FMNL2: variants seen among roughly 807,000 people sequenced by gnomAD.
FMNL2 encodes formin like 2, also known as formin-like protein 2.
Under a neutral mutation model 130.2 loss-of-function variants are expected in FMNL2, and 51 were observed. The observed-to-expected ratio is 0.39, with a 90% confidence interval of 0.31 to 0.49. FMNL2 has a LOEUF of 0.49. FMNL2 is among the 20% of genes least tolerant of loss of function. FMNL2 has a pLI of 0.85. For missense variants in FMNL2, 977 were observed against 1,316.2 expected (o/e 0.74, Z 3.99); for synonymous variants, 465 against 467.1 (o/e 1.00, Z 0.06).
intron 1 of FMNL2, among the ~76,000 whole-genome samples, chr2:152,491,904 T>C (rs1049212634): frequency 1.3e-5 from 2 of 152,160 alleles, no homozygotes. Flanking sequence ...TAAGCTGAGA[T>C]TGTGCTACTG....
At chr2:152,410,305 C>G (rs1267251726) in intron 1 of FMNL2, among the ~76,000 whole-genome samples, 1 of 152,206 alleles carries the variant, frequency 6.6e-6, no homozygotes, top group Non-Finnish European at 1.5e-5. Context: ...ATCACACCAT[C>G]ACATTGTCTT....
rs79016242 is a variant in FMNL2 at position 152,628,584 on chromosome 2, G to A, written c.2400+51G>A. 2.8e-3 allele frequency: 4,232 copies of A among 1,508,864 alleles called. 114 individuals are homozygous for A. In the African/African-American group the frequency reaches 0.051, roughly 18 times the overall value. The allele number at this position is 1,508,864 out of a possible 1,614,324, so 93.5% of individuals were successfully genotyped here. A position where few individuals can be genotyped will look rare whatever the true frequency, so the allele number is the denominator to read the frequency against. ...AGGGGGTCCAAAGAAATGTGGAATC[G>A]TTATTTTTTAAAGTCTCTCCCAGAA... On this transcript the variant is annotated intron_variant, in intron 18 of 25. Coordinates refer to ENST00000288670, the MANE Select transcript of FMNL2 (RefSeq NM_052905.4).
intron 1 of FMNL2, among the ~76,000 whole-genome samples, chr2:152,476,758 T>G (rs1311744261): frequency 6.6e-6 from 1 of 151,974 alleles, no homozygotes; most frequent in Non-Finnish European, 1.5e-5. Context: ...CCCCCCATAG[T>G]GGGCGGAACA....
At chr2:152,474,157 A>T (rs1338450560) in intron 1 of FMNL2, among the ~76,000 whole-genome samples, 1 of 152,130 alleles carries the variant, frequency 6.6e-6, no homozygotes, top group Non-Finnish European at 1.5e-5. Context: ...GATTAAGGGC[A>T]TGAGCCACTG....
intron 1 of FMNL2, among the ~76,000 whole-genome samples, chr2:152,338,990 G>T (rs1409759252): frequency 6.6e-6 from 1 of 152,180 alleles, no homozygotes; most frequent in Non-Finnish European, 1.5e-5. Flanking sequence ...AGGATGTAAG[G>T]ATGTATATAT....
At chr2:152,431,169 ATCTTTAGGAAACAC>A (rs1170590911) in intron 1 of FMNL2, among the ~76,000 whole-genome samples, 1 of 152,170 alleles carries the variant, frequency 6.6e-6, no homozygotes, top group Non-Finnish European at 1.5e-5. Context: ...AAAAGAGACT[ATCTTTAGGAAACAC>A]TGCTTTAAAT....
At position 152,506,590 on chromosome 2, in the gene FMNL2, G is replaced by A. The variant is rs73016041; in HGVS notation, c.118-15353G>A. On this transcript the variant is annotated intron_variant, in intron 1 of 25. Transcript: ENST00000288670. ...CCACAGATGTGGAACCCATGGACAC[G>A]GAAAATGTACTGTGCTGCGGGAAAG... Among the ~76,000 whole-genome samples the A allele has an allele frequency of 1.4e-3, 216 of 152,202 alleles. 1 individual carries two copies. Among genetic ancestry groups the A allele is most frequent in the African/African-American group, 4.6e-3 (189 of 41,524 alleles).
chr2:152,579,929 C>G (rs980077001), intron 8 of FMNL2, among the ~76,000 whole-genome samples: 2 of 152,200 alleles, frequency 1.3e-5, no homozygotes, highest in Admixed American at 1.3e-4. Flanking sequence ...GACAAAATAT[C>G]TGAAAACTGT....
At chr2:152,449,113 G>A (rs998037585) in intron 1 of FMNL2, among the ~76,000 whole-genome samples, 1 of 152,202 alleles carries the variant, frequency 6.6e-6, no homozygotes, top group South Asian at 2.1e-4. Context: ...TTTTGTAAAT[G>A]CTTTTGTGCC....
At chr2:152,467,469 G>C (rs1689615111) in intron 1 of FMNL2, among the ~76,000 whole-genome samples, 1 of 151,966 alleles carries the variant, frequency 6.6e-6, no homozygotes, top group Non-Finnish European at 1.5e-5. Flanking sequence ...TTCTTCCCTC[G>C]GCCCCTGTTT....
intron 6 of FMNL2, among the ~76,000 whole-genome samples, chr2:152,569,542 C>T (rs966913564): frequency 1.3e-5 from 2 of 151,412 alleles, no homozygotes; most frequent in African/African-American, 4.9e-5. Flanking sequence ...CTTAGCCGGG[C>T]GTGGTGGTGC....
At chr2:152,548,234 C>T (rs1221036823) in intron 3 of FMNL2, among the ~76,000 whole-genome samples, 1 of 151,890 alleles carries the variant, frequency 6.6e-6, no homozygotes, top group South Asian at 2.1e-4. Flanking sequence ...TTAGGTCACG[C>T]AGAAAAAAAA....
intron 1 of FMNL2, among the ~76,000 whole-genome samples, chr2:152,472,807 C>T (rs187955789): frequency 8.9e-4 from 136 of 152,182 alleles, no homozygotes; most frequent in African/African-American, 3.2e-3. Flanking sequence ...CCTTTTTGAG[C>T]CTAAGTTTCC....
rs1681325052 is a variant in FMNL2 at position 152,335,284 on chromosome 2, G to T, written c.-320G>T. ...GCCGAGTAGGAGGGACCACGCGCCG[G>T]GGGCCGCGATCTCTGGCAGGGGGCG... On this transcript the variant is annotated 5_prime_UTR_variant, in exon 1 of 26. Coordinates refer to ENST00000288670, the MANE Select transcript of FMNL2 (RefSeq NM_052905.4). 1.2e-5 allele frequency: 2 copies of T among 168,284 alleles called. No individual in the cohort carries two copies. The allele number at this position is 168,284 out of a possible 1,614,324, so 10.4% of individuals were successfully genotyped here. A position where few individuals can be genotyped will look rare whatever the true frequency, so the allele number is the denominator to read the frequency against.
intron 1 of FMNL2, among the ~76,000 whole-genome samples, chr2:152,463,293 C>T (rs1281011595): frequency 6.6e-6 from 1 of 152,148 alleles, no homozygotes; most frequent in Non-Finnish European, 1.5e-5. Context: ...ATATGTTAGA[C>T]ATGAATTAAT....
At position 152,614,740 on chromosome 2, in the gene FMNL2, C is replaced by CACAAAACAAAACAAAACAAA. The variant is rs1464132971; in HGVS notation, c.1063-111_1063-110insACAAAACAAAACAAAACAAA. ...CCTGGGTGACAGAGTGAAACTCCAT[C>CACAAAACAAAACAAAACAAA]TCAAAACAAAACAAAACAAAACAAA... On this transcript the variant is annotated intron_variant, in intron 11 of 25. Coordinates refer to ENST00000288670, the MANE Select transcript of FMNL2 (RefSeq NM_052905.4). 2.1e-3 allele frequency: 1,548 copies of CACAAAACAAAACAAAACAAA among 723,960 alleles called. 13 individuals carry two copies. In the African/African-American group the frequency reaches 0.03, roughly 14 times the overall value. 44.8% of individuals were successfully genotyped at this position (723,960 alleles called of 1,614,324 possible).
intron 17 of FMNL2, 121 bp downstream of exon 17, chr2:152,626,848 AT>A: frequency 2.0e-6 from 2 of 1,025,038 alleles, no homozygotes; most frequent in Non-Finnish European, 2.8e-6. Flanking sequence ...AGCTGGAGCA[AT>A]TTTTGATATC....
At chr2:152,646,862 T>C (rs1195233988) in intron 25 of FMNL2, among the ~76,000 whole-genome samples, 2 of 152,214 alleles carry the variant, frequency 1.3e-5, no homozygotes, top group African/African-American at 4.8e-5. Flanking sequence ...GGAGGCTGCA[T>C]AGCCTAGCCT....
At chr2:152,626,464 G>A in intron 16 of FMNL2, 61 bp from the exon 17 acceptor site, 1 of 1,395,248 alleles carries the variant, frequency 7.2e-7, no homozygotes, top group East Asian at 2.5e-5. Context: ...CTAACTGGTG[G>A]CTTCCGGACT....
Sources: gnomAD v4.1 joint callset for allele counts (sites outside exome capture counted in the v4.1 genomes callset) on GRCh38, gnomAD v4.1.1 for gene constraint, MANE v1.5 for transcripts, NCBI Gene and HGNC (gene_info 2026-07-23, HGNC 2026-07-21) for gene names.